Variants in SPOCK3 observed in about 807,000 individuals in gnomAD.
The protein encoded by SPOCK3 is SPARC (osteonectin), cwcv and kazal like domains proteoglycan 3.
SPOCK3 carries 30 observed loss-of-function variants against 56.6 expected under a neutral mutation model. That is an observed-to-expected ratio of 0.53 (90% CI 0.40 to 0.72). The LOEUF is 0.72. Ranked by LOEUF, SPOCK3 falls within the 30% of genes least tolerant of loss-of-function variation. SPOCK3 has a pLI of 0.00. For synonymous variants in SPOCK3, 196 were observed against 183.3 expected, an observed-to-expected ratio of 1.07 and a Z score of -0.56; for missense variants, 527 against 530.0, an observed-to-expected ratio of 0.99 and a Z score of 0.06.
At chr4:167,033,099 A>C (rs1752423653) in intron 3 of SPOCK3, among the ~76,000 whole-genome samples, 1 of 151,974 alleles carries the variant, frequency 6.6e-6, no homozygotes, top group Admixed American at 6.6e-5. Context: ...TATTAGTCAT[A>C]ATATCATGGT....
intron 2 of SPOCK3, among the ~76,000 whole-genome samples, chr4:167,205,237 A>ATATATTATATATTATAGATATTTTATAT (rs1444678664): frequency 1.1e-4 from 10 of 88,942 alleles, no homozygotes; most frequent in East Asian, 5.8e-4. Flanking sequence ...TATCTATAAT[A>ATATATTATATATTATAGATATTTTATAT]CATATTATAT....
intron 6 of SPOCK3, among the ~76,000 whole-genome samples, chr4:166,887,617 G>A (rs1456156385): frequency 6.6e-6 from 1 of 152,026 alleles, no homozygotes; most frequent in Non-Finnish European, 1.5e-5. Flanking sequence ...TCCTTATTTG[G>A]GCTGTGTTGA....
intron 4 of SPOCK3, among the ~76,000 whole-genome samples, chr4:166,978,640 A>T (rs1321490491): frequency 6.6e-6 from 1 of 152,172 alleles, no homozygotes; most frequent in Admixed American, 6.5e-5. Flanking sequence ...GTTTAAAAAC[A>T]GTAATAAGGC....
chr4:167,123,915 TTTTGTATTTTTAG>T (rs1762074404), intron 2 of SPOCK3, among the ~76,000 whole-genome samples: 2 of 151,902 alleles, frequency 1.3e-5, no homozygotes, highest in African/African-American at 2.4e-5. Flanking sequence ...CTGGCTAATT[TTTTGTATTTTTAG>T]TACAGACAGG....
chr4:167,134,028 T>TC (rs1561252272), intron 2 of SPOCK3, among the ~76,000 whole-genome samples: 1 of 136,604 alleles, frequency 7.3e-6, no homozygotes. Flanking sequence ...TTTTCTTTTT[T>TC]TTTTTTTTTT....
intron 3 of SPOCK3, among the ~76,000 whole-genome samples, chr4:167,007,251 G>A (rs1010442751): frequency 3.3e-5 from 5 of 152,132 alleles, no homozygotes; most frequent in African/African-American, 7.2e-5. Context: ...GGACCCCAGA[G>A]GGTACCAAAA....
intron 3 of SPOCK3, among the ~76,000 whole-genome samples, chr4:167,013,468 A>T (rs1750292856): frequency 6.6e-6 from 1 of 151,330 alleles, no homozygotes; most frequent in Non-Finnish European, 1.5e-5. Context: ...GCCTTTCAGA[A>T]TATTGATCAC....
intron 3 of SPOCK3, among the ~76,000 whole-genome samples, chr4:167,044,829 C>T (rs1237183829): frequency 2.0e-5 from 3 of 152,066 alleles, no homozygotes; most frequent in South Asian, 4.1e-4. Context: ...TTTTATGTCA[C>T]AGCATGTGTC....
At position 167,233,883 on chromosome 4, in the gene SPOCK3, C is replaced by A. The variant is rs1331746344; in HGVS notation, c.189+102G>T. ...CGCCGCGTTTCCCTAAACCCCTCTCCTCAGAAAACGGAGCCCACTCCCCAC... is the reference window on the plus strand; with the variant it reads ...CGCCGCGTTTCCCTAAACCCCTCTCATCAGAAAACGGAGCCCACTCCCCAC... On this transcript the variant is annotated intron_variant, in intron 2 of 10. Transcript: ENST00000357545. 2.9e-6 allele frequency: 3 copies of A among 1,022,174 alleles called. No homozygotes were observed. In the African/African-American group the frequency reaches 4.8e-5, roughly 16 times the overall value. 63.3% of individuals were successfully genotyped at this position (1,022,174 alleles called of 1,614,324 possible).
intron 7 of SPOCK3, among the ~76,000 whole-genome samples, chr4:166,765,291 GT>G (rs1036011453): frequency 1.6e-4 from 25 of 152,288 alleles, no homozygotes; most frequent in African/African-American, 5.3e-4. Context: ...TATTGCCTAG[GT>G]TTTCTTCTAG....
intron 2 of SPOCK3, among the ~76,000 whole-genome samples, chr4:167,232,227 T>A (rs956051548): frequency 1.3e-5 from 2 of 152,082 alleles, no homozygotes; most frequent in Non-Finnish European, 2.9e-5. Context: ...AATAAGAGAA[T>A]ACTAAGTTAT....
intron 2 of SPOCK3, among the ~76,000 whole-genome samples, chr4:167,182,715 T>C (rs1157000751): frequency 2.0e-5 from 3 of 152,070 alleles, no homozygotes; most frequent in Non-Finnish European, 4.4e-5. Flanking sequence ...TTTTTGTATT[T>C]TTAGTGGAGA....
intron 7 of SPOCK3, among the ~76,000 whole-genome samples, chr4:166,761,970 T>G (rs1368718080): frequency 1.3e-5 from 2 of 151,752 alleles, no homozygotes. Context: ...CTTTTGGGAA[T>G]TTGTTAATTT....
At chr4:167,109,418 T>G (rs1276026374) in intron 2 of SPOCK3, among the ~76,000 whole-genome samples, 2 of 85,442 alleles carry the variant, frequency 2.3e-5, no homozygotes, top group African/African-American at 9.0e-5. Flanking sequence ...AATATATATA[T>G]AAATATATAT....
chr4:166,752,605 CACACACACAT>C (rs1251504138), intron 8 of SPOCK3, among the ~76,000 whole-genome samples: 13 of 131,226 alleles, frequency 9.9e-5, no homozygotes, highest in South Asian at 2.4e-4. Flanking sequence ...CACACACACA[CACACACACAT>C]ATATTTATAG....
chr4:167,118,748 A>T (rs990301835), intron 2 of SPOCK3, among the ~76,000 whole-genome samples: 1 of 152,146 alleles, frequency 6.6e-6, no homozygotes, highest in Non-Finnish European at 1.5e-5. Flanking sequence ...CTACAGGAAA[A>T]AAAAGAAAAC....
At chr4:166,927,148 A>C (rs1739199338) in intron 4 of SPOCK3, among the ~76,000 whole-genome samples, 2 of 152,220 alleles carry the variant, frequency 1.3e-5, no homozygotes, top group Non-Finnish European at 2.9e-5. Context: ...TAATTTCTTC[A>C]ATAATAATAC....
chr4:166,785,794 T>C (rs1348188800), intron 7 of SPOCK3, among the ~76,000 whole-genome samples: 1 of 152,198 alleles, frequency 6.6e-6, no homozygotes, highest in Non-Finnish European at 1.5e-5. Flanking sequence ...AACTATGTTA[T>C]GTAGCAAATA....
At chr4:167,071,464 C>G (rs1756675838) in intron 2 of SPOCK3, among the ~76,000 whole-genome samples, 1 of 149,236 alleles carries the variant, frequency 6.7e-6, no homozygotes, top group African/African-American at 2.5e-5. Flanking sequence ...TTGTTCAATT[C>G]CCACCTATGA....
Sources: gnomAD v4.1 joint callset for allele counts (sites outside exome capture counted in the v4.1 genomes callset) on GRCh38, gnomAD v4.1.1 for gene constraint, MANE v1.5 for transcripts, NCBI Gene and HGNC (gene_info 2026-07-23, HGNC 2026-07-21) for gene names.